The following TRPM3 variants were observed in gnomAD, a reference collection of about 807,000 sequenced individuals.
TRPM3 encodes transient receptor potential cation channel subfamily M member 3, also known as long transient receptor potential channel 3.
TRPM3 carries 77 observed loss-of-function variants against 181.2 expected under a neutral mutation model. The ratio of observed to expected loss-of-function variants is 0.42; its 90% CI spans 0.35 to 0.51. The LOEUF (loss-of-function observed/expected upper bound fraction) is 0.51. Among genes scored for constraint, TRPM3 ranks in the 20% least tolerant of loss-of-function variants. TRPM3 has a pLI of 0.01. For synonymous variants in TRPM3, 745 were observed against 796.4 expected (o/e 0.94, Z 1.09); for missense variants, 1,759 against 2,196.7 (o/e 0.80, Z 3.98).
At chr9:70,992,170 T>A (rs556840065) in intron 1 of TRPM3, among the ~76,000 whole-genome samples, 2 of 152,236 alleles carry the variant, frequency 1.3e-5, no homozygotes, top group Non-Finnish European at 2.9e-5. Flanking sequence ...GCTACAATGA[T>A]GCCCAGCACA....
At chr9:70,558,524 A>T (rs2048292969) in intron 22 of TRPM3, among the ~76,000 whole-genome samples, 1 of 152,214 alleles carries the variant, frequency 6.6e-6, no homozygotes, top group South Asian at 2.1e-4. Flanking sequence ...GCCAGAGGCC[A>T]TGCTGCTCCC....
intron 1 of TRPM3, among the ~76,000 whole-genome samples, chr9:71,111,681 G>C (rs2071136387): frequency 1.3e-5 from 2 of 152,196 alleles, no homozygotes; most frequent in Admixed American, 6.5e-5. Flanking sequence ...TTATCTGCCA[G>C]GTCCTAAATG....
intron 1 of TRPM3, among the ~76,000 whole-genome samples, chr9:71,318,320 G>C (rs1313500961): frequency 6.6e-6 from 1 of 151,878 alleles, no homozygotes; most frequent in Non-Finnish European, 1.5e-5. Flanking sequence ...AACTAAAATG[G>C]CATTTTCTTT....
intron 1 of TRPM3, among the ~76,000 whole-genome samples, chr9:71,069,200 G>T (rs1030706627): frequency 6.6e-5 from 10 of 152,186 alleles, no homozygotes; most frequent in Non-Finnish European, 1.3e-4. Flanking sequence ...GTAGCACCAG[G>T]TAAGATGGAG....
At chr9:71,074,400 C>T (rs2063168443) in intron 1 of TRPM3, among the ~76,000 whole-genome samples, 1 of 152,106 alleles carries the variant, frequency 6.6e-6, no homozygotes, top group African/African-American at 2.4e-5. Context: ...ATTTTACTCT[C>T]TGACTTTGAA....
At chr9:71,380,566 CTT>C (rs1332516442) in intron 1 of TRPM3, among the ~76,000 whole-genome samples, 1 of 152,040 alleles carries the variant, frequency 6.6e-6, no homozygotes, top group African/African-American at 2.4e-5. Context: ...TAACCTACTT[CTT>C]TTTAGGGAGA....
intron 1 of TRPM3, among the ~76,000 whole-genome samples, chr9:71,138,472 CAGG>C (rs2074902670): frequency 6.6e-6 from 1 of 152,072 alleles, no homozygotes; most frequent in Non-Finnish European, 1.5e-5. Flanking sequence ...ATTTGTCCTC[CAGG>C]AGATTTTTCA....
At chr9:71,153,852 CA>C (rs1237877649) in intron 1 of TRPM3, among the ~76,000 whole-genome samples, 1 of 152,136 alleles carries the variant, frequency 6.6e-6, no homozygotes, top group East Asian at 1.9e-4. Flanking sequence ...CCAACAAGTA[CA>C]GTGAGCATCT....
intron 1 of TRPM3, among the ~76,000 whole-genome samples, chr9:71,068,686 CAG>C (rs2062274528): frequency 1.3e-5 from 2 of 152,162 alleles, no homozygotes; most frequent in Non-Finnish European, 2.9e-5. Context: ...CCTGGGATAA[CAG>C]TGTTCTGGTG....
rs187174850 is a variant in TRPM3 at position 70,743,330 on chromosome 9, T to A, written c.1272+18271A>T. ...CATATTGATATACCAACACTACAAG[T>A]AGATATTTTTCTTCAAATTAATTCC... On this transcript the variant is annotated intron_variant, in intron 8 of 25. Transcript: ENST00000677713. Among the ~76,000 whole-genome samples the A allele has an allele frequency of 3.3e-5, 5 of 152,282 alleles. No individual in the cohort carries two copies. The East Asian group carries it at 9.6e-4, about 29-fold the overall frequency.
At chr9:71,065,640 AAAATATCACTCATC>A (rs1257856471) in intron 1 of TRPM3, among the ~76,000 whole-genome samples, 1 of 152,190 alleles carries the variant, frequency 6.6e-6, no homozygotes, top group Non-Finnish European at 1.5e-5. Context: ...TAACTTACCT[AAAATATCACTCATC>A]AAATCACTTC....
intron 1 of TRPM3, among the ~76,000 whole-genome samples, chr9:71,399,914 T>C (rs2131373169): frequency 6.6e-6 from 1 of 152,260 alleles, no homozygotes; most frequent in South Asian, 2.1e-4. Flanking sequence ...ATGAAAATTT[T>C]AAAAAATCCT....
chr9:70,682,301 G>GAT (rs1172507923), intron 8 of TRPM3, among the ~76,000 whole-genome samples: 3 of 152,032 alleles, frequency 2.0e-5, no homozygotes, highest in African/African-American at 4.8e-5. Flanking sequence ...CATGAGGAAA[G>GAT]ATATATATGA....
chr9:71,366,207 G>T (rs138705720), intron 1 of TRPM3, among the ~76,000 whole-genome samples: 1 of 152,172 alleles, frequency 6.6e-6, no homozygotes, highest in Non-Finnish European at 1.5e-5. Flanking sequence ...GGCCCAGGTT[G>T]TTAAAATACA....
At chr9:71,402,070 G>GA (rs965804832) in intron 1 of TRPM3, among the ~76,000 whole-genome samples, 5 of 152,018 alleles carry the variant, frequency 3.3e-5, no homozygotes, top group African/African-American at 9.7e-5. Flanking sequence ...TTGAAATGAA[G>GA]AAAAAAATGA....
At chr9:71,213,916 G>A (rs944012227) in intron 1 of TRPM3, among the ~76,000 whole-genome samples, 17 of 152,136 alleles carry the variant, frequency 1.1e-4, no homozygotes, top group African/African-American at 4.1e-4. Context: ...CCACATCAGA[G>A]CTTGGTGCAG....
Position 71,080,013 on chromosome 9 carries a change from A to C in TRPM3, c.177+41165T>G, listed in dbSNP as rs561389563. The stretch of plus-strand genomic sequence containing the variant: ...TGGAGAAACCCCATCTCTACTAAAA[A>C]TACAAAATTAGCTGGGCATGTTGGC... On this transcript the variant is annotated intron_variant, in intron 1 of 25. Coordinates refer to ENST00000677713, the MANE Select transcript of TRPM3 (RefSeq NM_001366145.2). 7.2e-5 allele frequency among the ~76,000 whole-genome samples: 11 copies of C among 152,162 alleles called. No homozygotes were observed. In the South Asian group the frequency reaches 2.1e-3, roughly 29 times the overall value.
At chr9:71,357,627 C>T (rs574141275) in intron 1 of TRPM3, among the ~76,000 whole-genome samples, 2 of 152,050 alleles carry the variant, frequency 1.3e-5, no homozygotes, top group South Asian at 4.2e-4. Flanking sequence ...ATGTGACACA[C>T]CAAAATTAAC....
intron 1 of TRPM3, among the ~76,000 whole-genome samples, chr9:71,045,247 T>C (rs1221649534): frequency 6.6e-6 from 1 of 152,044 alleles, no homozygotes; most frequent in East Asian, 1.9e-4. Flanking sequence ...CAGGGTTTTA[T>C]TTTTTAAATG....
Sources: allele counts gnomAD v4.1 joint callset (sites outside exome capture counted in the v4.1 genomes callset), GRCh38; gene constraint gnomAD v4.1.1; transcripts MANE v1.5; gene names NCBI Gene and HGNC (gene_info 2026-07-23, HGNC 2026-07-21).